The following KLF8 variants were observed in gnomAD, a reference collection of about 807,000 sequenced individuals.
KLF8 encodes KLF transcription factor 8.
KLF8 carries 10 observed loss-of-function variants against 18.2 expected under a neutral mutation model. That is an observed-to-expected ratio of 0.55 (90% CI 0.34 to 0.93). KLF8 has a LOEUF of 0.93. Ranked by LOEUF, KLF8 falls within the 40% of genes least tolerant of loss-of-function variation. The probability of loss-of-function intolerance (pLI) is 0.02; values close to 1 mark genes in which losing one functional copy is unlikely to be tolerated. For synonymous variants in KLF8, 109 were observed against 97.3 expected (o/e 1.12, Z -0.71); for missense variants, 264 against 277.9 (o/e 0.95, Z 0.36).
At chrX:56,002,584 C>T in the KLF8 span, among the ~76,000 whole-genome samples, 1 of 111,447 alleles carries the variant, frequency 9.0e-6, no homozygotes, top group African/African-American at 3.3e-5. Flanking sequence ...GTAGTTGAAT[C>T]GATGAATAGG....
intron 1 of KLF8, among the ~76,000 whole-genome samples, chrX:56,241,847 A>G (rs1385118010): frequency 1.8e-5 from 2 of 112,205 alleles, no homozygotes; most frequent in African/African-American, 6.5e-5. Context: ...ATATTTGTTC[A>G]ATGGAGATTC....
chrX:56,167,065 A>C, the KLF8 span, among the ~76,000 whole-genome samples: 17 of 112,193 alleles, frequency 1.5e-4, no homozygotes, highest in African/African-American at 4.8e-4. Context: ...TCATGATCTG[A>C]GACAAGAAAT....
At chrX:56,101,532 A>C in the KLF8 span, among the ~76,000 whole-genome samples, 1 of 111,912 alleles carries the variant, frequency 8.9e-6, no homozygotes, top group Non-Finnish European at 1.9e-5. Flanking sequence ...TTTCATTAAG[A>C]AATCTCCAAA....
the KLF8 span, among the ~76,000 whole-genome samples, chrX:56,151,032 C>T: frequency 9.0e-6 from 1 of 111,105 alleles, no homozygotes; most frequent in Non-Finnish European, 1.9e-5. Flanking sequence ...AAAAAGGGAA[C>T]ATCATAGGCA....
At chrX:56,092,163 AG>A in the KLF8 span, among the ~76,000 whole-genome samples, 1 of 110,788 alleles carries the variant, frequency 9.0e-6, no homozygotes, top group African/African-American at 3.3e-5. Flanking sequence ...ATTTTTAAAT[AG>A]GGTTATTTGT....
the KLF8 span, among the ~76,000 whole-genome samples, chrX:55,950,568 C>T: frequency 2.7e-5 from 3 of 111,258 alleles, no homozygotes; most frequent in Non-Finnish European, 5.7e-5. Context: ...ATTAAATGAG[C>T]TTATGCATGA....
At chrX:56,154,018 T>A in the KLF8 span, among the ~76,000 whole-genome samples, 1 of 111,144 alleles carries the variant, frequency 9.0e-6, no homozygotes, top group Non-Finnish European at 1.9e-5. Context: ...AGGTAATCTA[T>A]AGATTCAATG....
At chrX:56,191,011 C>T in the KLF8 span, among the ~76,000 whole-genome samples, 2 of 111,014 alleles carry the variant, frequency 1.8e-5, no homozygotes, top group East Asian at 2.8e-4. Context: ...TACAAAGGAT[C>T]AACTACACAA....
intron 3 of KLF8, chrX:56,269,101 C>A: frequency 2.2e-6 from 2 of 923,407 alleles, no homozygotes; most frequent in Non-Finnish European, 2.7e-6. Context: ...CAGACCACAT[C>A]CTAGAGACAC....
chrX:56,283,538 A>AT (rs1312769293), intron 5 of KLF8, among the ~76,000 whole-genome samples: 3 of 110,369 alleles, frequency 2.7e-5, no homozygotes, highest in South Asian at 3.9e-4. Context: ...CGCCCAGCTT[A>AT]TTTTTTTCAT....
At chrX:56,184,778 C>A in the KLF8 span, among the ~76,000 whole-genome samples, 3 of 112,198 alleles carry the variant, frequency 2.7e-5, no homozygotes, top group Admixed American at 9.4e-5. Flanking sequence ...CTAGGGTGGA[C>A]CTCCAGCAAA....
At chrX:56,267,599 C>G (rs2066988653) in intron 3 of KLF8, 1 of 110,038 alleles carries the variant, frequency 9.1e-6, no homozygotes, top group Admixed American at 9.7e-5. Context: ...GGGGGGCTTA[C>G]TAAACCTTAG....
chrX:56,052,456 G>A, the KLF8 span, among the ~76,000 whole-genome samples: 2 of 111,809 alleles, frequency 1.8e-5, no homozygotes, highest in African/African-American at 6.5e-5. Context: ...TGGTGTGGAT[G>A]TCCTTTCTGT....
the KLF8 span, among the ~76,000 whole-genome samples, chrX:56,192,630 A>G: frequency 2.7e-5 from 3 of 112,138 alleles, no homozygotes; most frequent in East Asian, 8.4e-4. Flanking sequence ...AGACCGGTGG[A>G]AAAGAATGCA....
chrX:56,215,690 G>A, the KLF8 span, among the ~76,000 whole-genome samples: 1 of 106,750 alleles, frequency 9.4e-6, no homozygotes, highest in East Asian at 2.9e-4. Context: ...AGGTGTGATG[G>A]CCAGCAGCTT....
the KLF8 span, among the ~76,000 whole-genome samples, chrX:56,070,098 G>A: frequency 1.8e-3 from 205 of 112,359 alleles, no homozygotes; most frequent in Non-Finnish European, 3.4e-3. Flanking sequence ...CATGTTGTTT[G>A]CAGGGACATG....
At chrX:56,178,976 T>C in the KLF8 span, among the ~76,000 whole-genome samples, 1 of 112,273 alleles carries the variant, frequency 8.9e-6, no homozygotes, top group African/African-American at 3.2e-5. Context: ...GGCTCTTTTT[T>C]GGTTCCATAT....
At chrX:56,108,512 T>C in the KLF8 span, among the ~76,000 whole-genome samples, 5 of 112,317 alleles carry the variant, frequency 4.5e-5, no homozygotes, top group Non-Finnish European at 7.5e-5. Flanking sequence ...TTATATTGAT[T>C]GGTTTCTATA....
intron 5 of KLF8, among the ~76,000 whole-genome samples, chrX:56,274,795 T>G (rs2147677918): frequency 8.9e-6 from 1 of 112,086 alleles, no homozygotes; most frequent in African/African-American, 3.2e-5. Flanking sequence ...AGCACCTGTG[T>G]CTAAAATGAG....
Sources: gnomAD v4.1 joint callset for allele counts (sites outside exome capture counted in the v4.1 genomes callset) on GRCh38, gnomAD v4.1.1 for gene constraint, MANE v1.5 for transcripts, NCBI Gene and HGNC (gene_info 2026-07-23, HGNC 2026-07-21) for gene names.